Variants in CSMD1 observed in about 807,000 individuals in gnomAD.
CSMD1 encodes the protein CUB and Sushi multiple domains 1, also known as CUB and sushi domain-containing protein 1.
In CSMD1, 213 loss-of-function variants were observed where a neutral mutation model predicts 417.5. The observed-to-expected ratio is 0.51, with a 90% CI of 0.46 to 0.57. The LOEUF is 0.57. Ranked by LOEUF, CSMD1 falls within the 20% of genes least tolerant of loss-of-function variation. The pLI is 0.00. For synonymous variants in CSMD1, 2,862 were observed against 1,736.8 expected (o/e 1.65, Z -16.11); for missense variants, 6,923 against 4,529.7 (o/e 1.53, Z -15.17).
At chr8:4,173,710 GCAAT>G (rs1196433184) in intron 3 of CSMD1, among the ~76,000 whole-genome samples, 1 of 152,074 alleles carries the variant, frequency 6.6e-6, no homozygotes, top group Non-Finnish European at 1.5e-5. Flanking sequence ...AAATAATTCA[GCAAT>G]CAATGAGAAA....
chr8:4,759,778 T>C (rs1462208947), intron 1 of CSMD1, among the ~76,000 whole-genome samples: 12 of 152,246 alleles, frequency 7.9e-5, no homozygotes, highest in Admixed American at 7.9e-4. Flanking sequence ...TATTCCATAG[T>C]ACATATGTAC....
intron 6 of CSMD1, among the ~76,000 whole-genome samples, chr8:3,720,471 C>T (rs993400281): frequency 6.6e-6 from 1 of 152,162 alleles, no homozygotes; most frequent in Non-Finnish European, 1.5e-5. Flanking sequence ...CCTTTCAGAT[C>T]TGTGAACAAC....
At chr8:4,874,833 T>C (rs1487452800) in intron 1 of CSMD1, among the ~76,000 whole-genome samples, 2 of 149,642 alleles carry the variant, frequency 1.3e-5, no homozygotes, top group Non-Finnish European at 3.0e-5. Flanking sequence ...CACTTAATTC[T>C]GGTTTATATA....
chr8:4,860,848 C>A (rs142654632), intron 1 of CSMD1, among the ~76,000 whole-genome samples: 2 of 152,036 alleles, frequency 1.3e-5, no homozygotes, highest in Non-Finnish European at 2.9e-5. Flanking sequence ...ATTATTTCTG[C>A]GTAAAAACGT....
At chr8:3,219,161 T>G in intron 29 of CSMD1, 94 bp downstream of exon 29, 1 of 1,015,542 alleles carries the variant, frequency 9.8e-7, no homozygotes, top group South Asian at 1.5e-5. Flanking sequence ...ATTTATGTAT[T>G]AAACAGACAA....
intron 1 of CSMD1, among the ~76,000 whole-genome samples, chr8:4,891,336 A>C (rs1166240141): frequency 6.6e-6 from 1 of 152,144 alleles, no homozygotes; most frequent in Non-Finnish European, 1.5e-5. Context: ...TGAAAGACTG[A>C]AGTTTATTGA....
intron 8 of CSMD1, among the ~76,000 whole-genome samples, chr8:3,602,893 T>C (rs902610094): frequency 1.2e-4 from 19 of 152,206 alleles, no homozygotes; most frequent in Non-Finnish European, 4.4e-5. Context: ...CAAATTAATA[T>C]AGGCTCAAGT....
At chr8:4,914,209 A>G (rs1182095388) in intron 1 of CSMD1, among the ~76,000 whole-genome samples, 1 of 152,210 alleles carries the variant, frequency 6.6e-6, no homozygotes, top group African/African-American at 2.4e-5. Context: ...TTACAGGTGC[A>G]ATCATTTCTG....
At chr8:4,609,605 T>G (rs779376619) in intron 2 of CSMD1, among the ~76,000 whole-genome samples, 23 of 152,208 alleles carry the variant, frequency 1.5e-4, no homozygotes, top group Non-Finnish European at 2.6e-4. Flanking sequence ...GAGTATGATC[T>G]TATTAGCAAA....
intron 7 of CSMD1, among the ~76,000 whole-genome samples, chr8:3,635,485 T>TC (rs1262493893): frequency 1.8e-5 from 2 of 113,776 alleles, no homozygotes; most frequent in Non-Finnish European, 3.3e-5. Context: ...CTCCATCTCT[T>TC]TTTTTTTTTT....
At position 3,307,692 on chromosome 8, in the gene CSMD1, T is replaced by G; in HGVS notation, c.3950+3A>C. The stretch of plus-strand genomic sequence containing the variant: ...ATCACTGAAACCAAAATAAAACAAG[T>G]ACCTAATGGTCTTTCCTGGGTCTGC... On this transcript the variant is annotated splice_donor_region_variant and intron_variant, in intron 25 of 69. Transcript: ENST00000635120. The G allele has an allele frequency of 1.2e-6, 2 of 1,612,410 alleles. No individual in the cohort carries two copies. The highest frequency in any genetic ancestry group is 1.7e-6 in the Non-Finnish European group (2 of 1,179,142).
At chr8:3,633,608 T>C (rs1796887430) in intron 7 of CSMD1, among the ~76,000 whole-genome samples, 1 of 152,248 alleles carries the variant, frequency 6.6e-6, no homozygotes, top group Non-Finnish European at 1.5e-5. Flanking sequence ...TTTGAAAGGA[T>C]AAATTAATAT....
chr8:4,169,480 C>G (rs1243656098), intron 3 of CSMD1, among the ~76,000 whole-genome samples: 4 of 152,156 alleles, frequency 2.6e-5, no homozygotes, highest in African/African-American at 4.8e-5. Flanking sequence ...TGACTCAATT[C>G]TGACCACCTC....
intron 8 of CSMD1, among the ~76,000 whole-genome samples, chr8:3,604,698 C>T (rs560284540): frequency 1.8e-4 from 28 of 152,286 alleles, no homozygotes; most frequent in African/African-American, 6.7e-4. Context: ...AGATATCTCT[C>T]CATTATTCTC....
chr8:3,867,531 A>G (rs1167836216), intron 5 of CSMD1, among the ~76,000 whole-genome samples: 1 of 152,162 alleles, frequency 6.6e-6, no homozygotes, highest in Non-Finnish European at 1.5e-5. Flanking sequence ...TGTGTCCCAG[A>G]CAACAGAAGG....
intron 2 of CSMD1, among the ~76,000 whole-genome samples, chr8:4,487,894 T>A (rs991554569): frequency 2.0e-5 from 3 of 152,196 alleles, no homozygotes; most frequent in African/African-American, 7.2e-5. Flanking sequence ...AGGGATTAAA[T>A]AGACAAATGA....
intron 5 of CSMD1, among the ~76,000 whole-genome samples, chr8:3,904,746 C>T (rs1017538432): frequency 6.6e-6 from 1 of 151,018 alleles, no homozygotes; most frequent in Non-Finnish European, 1.5e-5. Context: ...AAGTGATTCT[C>T]ATACCTCAGC....
intron 3 of CSMD1, among the ~76,000 whole-genome samples, chr8:4,157,535 C>T (rs543087673): frequency 6.6e-6 from 1 of 152,276 alleles, no homozygotes; most frequent in African/African-American, 2.4e-5. Flanking sequence ...GCTCTAGCTA[C>T]CTCTAGTCAA....
At chr8:3,679,399 A>G (rs1014456332) in intron 7 of CSMD1, among the ~76,000 whole-genome samples, 1 of 152,198 alleles carries the variant, frequency 6.6e-6, no homozygotes, top group Non-Finnish European at 1.5e-5. Context: ...TCTCTGATAA[A>G]AGGGACTTTA....
Sources: gnomAD v4.1 joint callset for allele counts (sites outside exome capture counted in the v4.1 genomes callset) on GRCh38, gnomAD v4.1.1 for gene constraint, MANE v1.5 for transcripts, NCBI Gene and HGNC (gene_info 2026-07-23, HGNC 2026-07-21) for gene names.